The following C9 variants were observed in gnomAD, a reference collection of about 807,000 sequenced individuals.
C9 encodes the protein complement C9.
Under a neutral mutation model 65.4 loss-of-function variants are expected in C9, and 63 were observed. That is an observed-to-expected ratio of 0.96 (90% CI 0.79 to 1.19). The LOEUF is 1.19. C9 is among the 50% of genes most tolerant of loss of function. The probability of loss-of-function intolerance (pLI) is 0.00; values close to 1 mark genes in which losing one functional copy is unlikely to be tolerated. For missense variants in C9, 744 were observed against 670.1 expected, an observed-to-expected ratio of 1.11 and a Z score of -1.22; for synonymous variants, 229 against 227.9, an observed-to-expected ratio of 1.00 and a Z score of -0.04.
intron 5 of C9, among the ~76,000 whole-genome samples, chr5:39,324,925 T>C (rs538229371): frequency 6.6e-6 from 1 of 152,254 alleles, no homozygotes; most frequent in South Asian, 2.1e-4. Context: ...CCAGACATAT[T>C]ATAAGGGTCA....
chr5:39,344,977 A>C (rs1754162857), intron 1 of C9, among the ~76,000 whole-genome samples: 1 of 152,160 alleles, frequency 6.6e-6, no homozygotes, highest in Admixed American at 6.5e-5. Flanking sequence ...ATGCAGAGAG[A>C]TTTTGTCACC....
intron 1 of C9, among the ~76,000 whole-genome samples, chr5:39,360,550 T>C (rs1238244111): frequency 6.6e-6 from 1 of 152,180 alleles, no homozygotes; most frequent in Non-Finnish European, 1.5e-5. Flanking sequence ...TATGTGTAAT[T>C]CATATCAGAG....
chr5:39,286,388 C>T (rs1752991446), intron 10 of C9, among the ~76,000 whole-genome samples: 1 of 151,964 alleles, frequency 6.6e-6, no homozygotes, highest in East Asian at 1.9e-4. Flanking sequence ...ACAATATATA[C>T]TGGAACAATT....
At chr5:39,361,746 A>C (rs1374823321) in intron 1 of C9, among the ~76,000 whole-genome samples, 1 of 152,204 alleles carries the variant, frequency 6.6e-6, no homozygotes, top group East Asian at 1.9e-4. Context: ...GAAACATAAG[A>C]GATGATGTCC....
At chr5:39,294,402 A>G (rs1753148056) in intron 9 of C9, among the ~76,000 whole-genome samples, 1 of 151,874 alleles carries the variant, frequency 6.6e-6, no homozygotes, top group East Asian at 1.9e-4. Flanking sequence ...ATACCACAGA[A>G]ACACAAAGGG....
At chr5:39,296,785 A>G (rs1186176078) in intron 9 of C9, among the ~76,000 whole-genome samples, 1 of 151,646 alleles carries the variant, frequency 6.6e-6, no homozygotes, top group African/African-American at 2.4e-5. Context: ...ATTTGTGGCC[A>G]CATAGATGGA....
At chr5:39,357,962 GGAGAGA>G (rs150644311) in intron 1 of C9, among the ~76,000 whole-genome samples, 1 of 150,520 alleles carries the variant, frequency 6.6e-6, no homozygotes, top group Non-Finnish European at 1.5e-5. Context: ...AGCATGGGGT[GGAGAGA>G]GAGAGAGAGA....
chr5:39,332,948 A>T (rs1312033407), intron 4 of C9, among the ~76,000 whole-genome samples: 2 of 152,208 alleles, frequency 1.3e-5, no homozygotes, highest in Non-Finnish European at 1.5e-5. Flanking sequence ...AAATGGTTCA[A>T]CTTTAATGGA....
intron 10 of C9, among the ~76,000 whole-genome samples, chr5:39,288,443 G>A (rs905660417): frequency 6.6e-6 from 1 of 151,572 alleles, no homozygotes; most frequent in Non-Finnish European, 1.5e-5. Flanking sequence ...GATGTTTGTT[G>A]TATTTCTGTA....
chr5:39,292,513 C>T (rs1457431090), intron 9 of C9, among the ~76,000 whole-genome samples: 1 of 151,542 alleles, frequency 6.6e-6, no homozygotes, highest in Non-Finnish European at 1.5e-5. Context: ...GAAGAATTAC[C>T]ACAAAGAACT....
At chr5:39,286,688 T>C (rs1752996790) in intron 10 of C9, among the ~76,000 whole-genome samples, 1 of 150,036 alleles carries the variant, frequency 6.7e-6, no homozygotes, top group African/African-American at 2.4e-5. Context: ...ACGTTCCAAG[T>C]ACCAAGTAGT....
intron 1 of C9, among the ~76,000 whole-genome samples, chr5:39,362,476 C>G (rs1019508539): frequency 6.6e-6 from 1 of 152,138 alleles, no homozygotes; most frequent in Non-Finnish European, 1.5e-5. Context: ...TCGGAGGGAG[C>G]ACGGCCCTGC....
At chr5:39,327,812 A>T (rs1014243059) in intron 5 of C9, among the ~76,000 whole-genome samples, 1 of 152,210 alleles carries the variant, frequency 6.6e-6, no homozygotes, top group Admixed American at 6.5e-5. Flanking sequence ...GCAATGTAGG[A>T]ACTCTGGAAA....
intron 1 of C9, among the ~76,000 whole-genome samples, chr5:39,354,243 C>T (rs989076914): frequency 6.6e-6 from 1 of 152,202 alleles, no homozygotes; most frequent in African/African-American, 2.4e-5. Flanking sequence ...ACAGCCTCAT[C>T]TGGAACTGAC....
intron 1 of C9, among the ~76,000 whole-genome samples, chr5:39,361,914 G>C (rs1043549223): frequency 5.3e-5 from 8 of 152,180 alleles, no homozygotes; most frequent in Admixed American, 3.9e-4. Flanking sequence ...AGCCCTGAAG[G>C]CTAGCTGTAA....
intron 9 of C9, among the ~76,000 whole-genome samples, chr5:39,296,462 T>A (rs559693014): frequency 4.7e-4 from 71 of 151,430 alleles, no homozygotes; most frequent in Non-Finnish European, 8.6e-4. Flanking sequence ...CTGGCAAGGA[T>A]GTGGAAAAAA....
intron 9 of C9, among the ~76,000 whole-genome samples, chr5:39,301,099 T>G (rs1055719628): frequency 5.3e-5 from 8 of 152,102 alleles, no homozygotes; most frequent in Non-Finnish European, 1.0e-4. Context: ...CTATAGTGAA[T>G]AGAAAGATAC....
Position 39,340,907 on chromosome 5 carries a change from T to C in C9, c.476+239A>G, listed in dbSNP as rs116394723. On this transcript the variant is annotated intron_variant, in intron 4 of 10. Transcript: ENST00000263408. ...TCCACTGAGAGACAATTATCTAACATCTTGATCATCTAGTCCACTCTACAG... is the reference window on the plus strand; with the variant it reads ...TCCACTGAGAGACAATTATCTAACACCTTGATCATCTAGTCCACTCTACAG... Among the ~76,000 whole-genome samples the C allele has an allele frequency of 0.038, 5,790 of 152,260 alleles. 188 individuals carry two copies. Among genetic ancestry groups the C allele is most frequent in the Non-Finnish European group, 0.057 (3,858 of 68,008 alleles).
intron 8 of C9, among the ~76,000 whole-genome samples, chr5:39,307,453 C>G (rs1193652972): frequency 2.6e-5 from 4 of 152,054 alleles, no homozygotes; most frequent in Admixed American, 1.3e-4. Context: ...AGCTTAAGGA[C>G]CAAATATAGA....
Sources: gnomAD v4.1 joint callset for allele counts (sites outside exome capture counted in the v4.1 genomes callset) on GRCh38, gnomAD v4.1.1 for gene constraint, MANE v1.5 for transcripts, NCBI Gene and HGNC (gene_info 2026-07-23, HGNC 2026-07-21) for gene names.